The following FAM120C variants were observed in gnomAD, a reference collection of about 807,000 sequenced individuals.
FAM120C encodes the protein family with sequence similarity 120 member C.
Under a neutral mutation model 71.2 loss-of-function variants are expected in FAM120C, and 14 were observed. The ratio of observed to expected loss-of-function variants is 0.20; its 90% CI spans 0.13 to 0.31. FAM120C has a LOEUF of 0.31. Ranked by LOEUF, FAM120C falls within the 10% of genes least tolerant of loss-of-function variation. FAM120C has a pLI of 1.00. For synonymous variants in FAM120C, 354 were observed against 353.2 expected (o/e 1.00, Z -0.03); for missense variants, 500 against 879.0 (o/e 0.57, Z 5.45).
At chrX:54,167,092 G>A (rs144653397) in intron 1 of FAM120C, among the ~76,000 whole-genome samples, 1,191 of 112,027 alleles carry the variant, frequency 0.011, 9 homozygotes, top group Non-Finnish European at 0.015. Flanking sequence ...GGTCAGGCTG[G>A]AAATCTGTTT....
Position 54,072,305 on chromosome X carries a change from C to T in FAM120C, c.*728G>A, listed in dbSNP as rs2146548191. The T allele has an allele frequency of 9.1e-6, 1 of 109,808 alleles. No homozygotes were observed. The highest frequency in any genetic ancestry group is 1.9e-5 in the Non-Finnish European group (1 of 52,679). The allele number at this position is 109,808 out of a possible 1,213,427, so 9.0% of individuals were successfully genotyped here. A position where few individuals can be genotyped will look rare whatever the true frequency, so the allele number is the denominator to read the frequency against. The stretch of plus-strand genomic sequence containing the variant: ...GAACTGTGCCACATCTTCTATTTTA[C>T]AAACAATGCACTGGTTGAGAGGCAG... On this transcript the variant is annotated 3_prime_UTR_variant, in exon 16 of 16. Coordinates refer to ENST00000375180, the MANE Select transcript of FAM120C (RefSeq NM_017848.6).
chrX:54,175,976 T>C (rs2067314933), intron 1 of FAM120C, among the ~76,000 whole-genome samples: 1 of 112,052 alleles, frequency 8.9e-6, no homozygotes, highest in African/African-American at 3.2e-5. Flanking sequence ...AATATAACTA[T>C]AAAAACGCAA....
At chrX:54,081,994 C>A (rs1299215680) in intron 13 of FAM120C, among the ~76,000 whole-genome samples, 2 of 108,522 alleles carry the variant, frequency 1.8e-5, no homozygotes, top group African/African-American at 6.7e-5. Flanking sequence ...AGCAGCCTGG[C>A]CAACATGGGG....
intron 9 of FAM120C, among the ~76,000 whole-genome samples, chrX:54,124,470 T>C (rs1430441975): frequency 3.7e-5 from 3 of 80,461 alleles, no homozygotes; most frequent in Non-Finnish European, 7.4e-5. Context: ...CGGGTGGGAG[T>C]GACCCGATTT....
At position 54,079,552 on chromosome X, in the gene FAM120C, C is replaced by T. The variant is rs142019263; in HGVS notation, c.3036+680G>A. On this transcript the variant is annotated intron_variant, in intron 15 of 15. Transcript: ENST00000375180. Reference sequence around the variant, plus strand: ...GGTGGCTCACGCCTGTAATCCAGCACTTCGGGAGGCCGAGGCGAGTGGATT... The same window carrying T: ...GGTGGCTCACGCCTGTAATCCAGCATTTCGGGAGGCCGAGGCGAGTGGATT... 9.4e-3 allele frequency among the ~76,000 whole-genome samples: 1,062 copies of T among 112,487 alleles called. 8 individuals carry two copies. The highest frequency in any genetic ancestry group is 0.013 in the Non-Finnish European group (675 of 53,264).
intron 1 of FAM120C, among the ~76,000 whole-genome samples, chrX:54,170,294 G>A (rs782763886): frequency 9.1e-6 from 1 of 110,123 alleles, no homozygotes; most frequent in African/African-American, 3.3e-5. Context: ...CCACCACCAC[G>A]CCCAGCTAAT....
At chrX:54,078,259 G>C (rs1557120920) in intron 15 of FAM120C, among the ~76,000 whole-genome samples, 1 of 110,379 alleles carries the variant, frequency 9.1e-6, no homozygotes, top group South Asian at 3.9e-4. Context: ...TACTCTTATT[G>C]TACCAAAAGT....
At chrX:54,137,096 G>T (rs939605292) in intron 4 of FAM120C, among the ~76,000 whole-genome samples, 33 of 110,655 alleles carry the variant, frequency 3.0e-4, no homozygotes, top group Middle Eastern at 4.6e-3. Context: ...GGGATTACAG[G>T]TGTGTGCCAC....
At chrX:54,096,730 A>C (rs1386782122) in intron 10 of FAM120C, among the ~76,000 whole-genome samples, 1 of 112,149 alleles carries the variant, frequency 8.9e-6, no homozygotes, top group Non-Finnish European at 1.9e-5. Flanking sequence ...ATTATAAATA[A>C]TACTACAAAG....
chrX:54,102,770 A>G (rs1163589121), intron 10 of FAM120C, among the ~76,000 whole-genome samples: 1 of 79,427 alleles, frequency 1.3e-5, no homozygotes, highest in Non-Finnish European at 2.4e-5. Flanking sequence ...GGCTGGCTGG[A>G]GTGCAGTGGC....
intron 1 of FAM120C, among the ~76,000 whole-genome samples, chrX:54,166,142 T>A (rs1426873171): frequency 9.0e-6 from 1 of 111,497 alleles, no homozygotes; most frequent in Admixed American, 9.6e-5. Context: ...AAACAGATTT[T>A]AAGCATATAA....
chrX:54,079,168 A>G (rs1321860748), intron 15 of FAM120C, among the ~76,000 whole-genome samples: 4 of 106,239 alleles, frequency 3.8e-5, no homozygotes, highest in Non-Finnish European at 7.8e-5. Context: ...AGGTTGAGGC[A>G]GGAGAATGGT....
Position 54,135,597 on chromosome X carries a change from C to A in FAM120C, c.1266G>T (p.Arg422=). The change falls in exon 6 of 16, where the codon CGG becomes CGT. Residue 422 remains arginine, a synonymous_variant. Transcript: ENST00000375180. The stretch of plus-strand genomic sequence containing the variant: ...GGGGAGGATTTCCAAGCCTATTATT[C>A]CGAAAACCTGAAGCCAAGAGAAAGA... ...LPVGPSFLGF[R]NNRLGNPPLP... The A allele has an allele frequency of 8.3e-7, 1 of 1,208,011 alleles. No homozygotes were observed. The highest frequency in any genetic ancestry group is 1.1e-6 in the Non-Finnish European group (1 of 893,039).
chrX:54,135,425 C>T, intron 6 of FAM120C, 103 bp downstream of exon 6: 2 of 736,437 alleles, frequency 2.7e-6, no homozygotes, highest in Non-Finnish European at 4.0e-6. Flanking sequence ...TATATATAGC[C>T]CTGACAGTCT....
intron 4 of FAM120C, among the ~76,000 whole-genome samples, chrX:54,147,174 A>G (rs1557132480): frequency 1.8e-5 from 2 of 110,529 alleles, no homozygotes; most frequent in African/African-American, 3.3e-5. Flanking sequence ...AAGATCAGCC[A>G]GGTGTGGGGG....
rs1157967714 is a variant in FAM120C at position 54,180,406 on chromosome X, T to G, written c.699+2094A>C. ...CATCACTTGCAATTAGCCCACAGTA[T>G]CTGCAATTTATTATCTCTTTCACTA... On this transcript the variant is annotated intron_variant, in intron 1 of 15. Coordinates refer to ENST00000375180, the MANE Select transcript of FAM120C (RefSeq NM_017848.6). 4.5e-5 allele frequency among the ~76,000 whole-genome samples: 5 copies of G among 112,344 alleles called. No homozygotes were observed. The East Asian group carries it at 1.4e-3, about 31-fold the overall frequency.
At chrX:54,084,019 T>C (rs1212987232) in intron 13 of FAM120C, among the ~76,000 whole-genome samples, 3 of 111,225 alleles carry the variant, frequency 2.7e-5, no homozygotes, top group African/African-American at 6.5e-5. Context: ...GCTCCCTGCC[T>C]AGAGTGCTAG....
At position 54,089,770 on chromosome X, in the gene FAM120C, C is replaced by T. The variant is rs139833283; in HGVS notation, c.2427+1542G>A. ...CGAGGTTGGGAATTCGAGACCAGCCCGACCAACAGAGAAACCCCGTCTCTA... is the reference window on the plus strand; with the variant it reads ...CGAGGTTGGGAATTCGAGACCAGCCTGACCAACAGAGAAACCCCGTCTCTA... On this transcript the variant is annotated intron_variant, in intron 11 of 15. Coordinates refer to ENST00000375180, the MANE Select transcript of FAM120C (RefSeq NM_017848.6). Among the ~76,000 whole-genome samples the T allele has an allele frequency of 7.8e-4, 86 of 109,905 alleles. 1 individual carries two copies. The highest frequency in any genetic ancestry group is 2.6e-3 in the African/African-American group (80 of 30,232).
In FAM120C at chrX:54,085,801, A is replaced by C. The variant is rs1557121901; in HGVS notation, c.2753T>G (p.Val918Gly). Residue 918 changes from valine (V) to glycine (G), a missense_variant, in exon 13 of 16, where the codon GTG (valine) becomes GGG (glycine). Val to Gly is a moderately radical substitution (Grantham distance 109). Coordinates refer to ENST00000375180, the MANE Select transcript of FAM120C (RefSeq NM_017848.6). ...LPSPTFVPPM[V>G]PSLYPVSLYS... is the part of the protein sequence containing the mutation. ...AAGTGAAACAGGGTAGAGAGAGGGC[A>C]CCATGGGAGGCACAAAAGTAGGTGA... 2 of 1,211,487 alleles carry C rather than the reference A, an allele frequency of 1.7e-6. No individual in the cohort carries two copies. The highest frequency in any genetic ancestry group is 3.5e-5 in the South Asian group (2 of 56,983).
Sources: allele counts gnomAD v4.1 joint callset (sites outside exome capture counted in the v4.1 genomes callset), GRCh38; gene constraint gnomAD v4.1.1; transcripts MANE v1.5; gene names NCBI Gene and HGNC (gene_info 2026-07-23, HGNC 2026-07-21).